PDE8A: variants seen among roughly 807,000 people sequenced by gnomAD.
PDE8A encodes high affinity cAMP-specific and IBMX-insensitive 3',5'-cyclic phosphodiesterase 8A.
Under a neutral mutation model 105.0 loss-of-function variants are expected in PDE8A, and 59 were observed. The observed-to-expected ratio is 0.56, with a 90% confidence interval of 0.46 to 0.70. The LOEUF is 0.70. Among genes scored for constraint, PDE8A ranks in the 30% least tolerant of loss-of-function variants. The pLI is 0.00. For synonymous variants in PDE8A, 355 were observed against 371.9 expected (o/e 0.95, Z 0.52); for missense variants, 1,014 against 1,045.9 (o/e 0.97, Z 0.42).
chr15:85,116,003 C>T lies in PDE8A; in HGVS notation c.1419C>T (p.Ser473=). 6.2e-7 allele frequency: 1 copy of T among 1,613,210 alleles called. No individual in the cohort carries two copies. The highest frequency in any genetic ancestry group is 8.5e-7 in the Non-Finnish European group (1 of 1,179,232). ...TTACAGACACTCAAATGGTTTCAAG[C>T]AATATAATCACTCCCATCTCCCTTG... ...LSTKNTQMVS[S]NIITPISLDD... is the part of the protein sequence containing the mutation. Residue 473 remains serine, a synonymous_variant, in exon 16 of 22, where the codon AGC becomes AGT. Transcript: ENST00000394553.
At chr15:85,064,562 C>G in intron 2 of PDE8A, 136 bp downstream of exon 2, 1 of 628,736 alleles carries the variant, frequency 1.6e-6, no homozygotes, top group South Asian at 2.0e-5. Context: ...TCCCTGAACT[C>G]TGTAACAGTA....
At chr15:84,994,806 T>C (rs1277148722) in intron 1 of PDE8A, among the ~76,000 whole-genome samples, 1 of 152,018 alleles carries the variant, frequency 6.6e-6, no homozygotes, top group Non-Finnish European at 1.5e-5. Flanking sequence ...CTACTAAAAA[T>C]ACAAAAAATT....
intron 1 of PDE8A, among the ~76,000 whole-genome samples, chr15:85,007,511 T>C (rs756286636): frequency 1.3e-5 from 2 of 151,692 alleles, no homozygotes; most frequent in Admixed American, 6.6e-5. Flanking sequence ...TTACGCTATA[T>C]GTACTTTCTG....
intron 8 of PDE8A, 59 bp from the exon 9 acceptor site, chr15:85,097,889 A>G (rs923580637): frequency 2.1e-6 from 2 of 958,932 alleles, no homozygotes; most frequent in Non-Finnish European, 3.3e-6. Flanking sequence ...GAAGTGGAAA[A>G]TGTTCTTGGG....
chr15:85,090,999 A>T (rs755494356), intron 7 of PDE8A, 45 bp from the exon 8 acceptor site: 1 of 1,551,668 alleles, frequency 6.4e-7, no homozygotes. Flanking sequence ...CTTTTTCAAA[A>T]TGACTTTTAA....
In PDE8A at chr15:85,122,258, G is replaced by T. The variant is rs142711015; in HGVS notation, c.1953-803G>T. ...TCTTAAGCTCTGTAAGGTCACAAGGGTCATATGTCACTGTGTCCTCAGTGC... is the reference window on the plus strand; with the variant it reads ...TCTTAAGCTCTGTAAGGTCACAAGGTTCATATGTCACTGTGTCCTCAGTGC... On this transcript the variant is annotated intron_variant, in intron 18 of 21. Coordinates refer to ENST00000394553, the MANE Select transcript of PDE8A (RefSeq NM_002605.3). Among the ~76,000 whole-genome samples the T allele has an allele frequency of 7.5e-3, 1,144 of 152,250 alleles. 11 individuals are homozygous for T. Among genetic ancestry groups the T allele is most frequent in the African/African-American group, 0.027 (1,102 of 41,528 alleles).
intron 8 of PDE8A, among the ~76,000 whole-genome samples, chr15:85,093,207 C>G (rs2081678107): frequency 1.3e-5 from 2 of 152,176 alleles, no homozygotes; most frequent in Admixed American, 1.3e-4. Flanking sequence ...CTGGCCTGTA[C>G]TGCTTTATTT....
At chr15:84,993,950 T>A (rs1183023818) in intron 1 of PDE8A, among the ~76,000 whole-genome samples, 1 of 152,206 alleles carries the variant, frequency 6.6e-6, no homozygotes, top group Non-Finnish European at 1.5e-5. Context: ...AGGAAACATT[T>A]AACTATTATT....
chr15:85,055,454 T>G (rs1039251121), intron 1 of PDE8A, among the ~76,000 whole-genome samples: 2 of 152,222 alleles, frequency 1.3e-5, no homozygotes, highest in African/African-American at 4.8e-5. Context: ...TAAGTCTCTT[T>G]GTAGGTCTCT....
chr15:85,085,474 C>T (rs895543091), intron 6 of PDE8A, among the ~76,000 whole-genome samples: 4 of 151,846 alleles, frequency 2.6e-5, no homozygotes, highest in African/African-American at 7.3e-5. Flanking sequence ...CTGAGGCGGG[C>T]GGATCACAAG....
At chr15:85,004,168 T>C (rs140882992) in intron 1 of PDE8A, among the ~76,000 whole-genome samples, 78 of 152,318 alleles carry the variant, frequency 5.1e-4, no homozygotes, top group African/African-American at 1.8e-3. Flanking sequence ...TGGTAACATT[T>C]GTTGCTTCCC....
At chr15:85,054,627 C>T (rs56275167) in intron 1 of PDE8A, among the ~76,000 whole-genome samples, 13,495 of 151,994 alleles carry the variant, frequency 0.089, 1,656 homozygotes, top group African/African-American at 0.28. Context: ...TATTCTCTGA[C>T]GGTAGTTTGT....
intron 1 of PDE8A, among the ~76,000 whole-genome samples, chr15:84,985,642 G>C (rs2079790392): frequency 6.6e-6 from 1 of 152,182 alleles, no homozygotes; most frequent in Non-Finnish European, 1.5e-5. Context: ...AATCAACTCT[G>C]TGAGATGGCA....
chr15:85,055,937 T>C (rs1314147950), intron 1 of PDE8A, among the ~76,000 whole-genome samples: 1 of 152,366 alleles, frequency 6.6e-6, no homozygotes, highest in East Asian at 1.9e-4. Flanking sequence ...GTTTTTGCAG[T>C]GGCTGGTACT....
At chr15:85,012,595 G>A (rs1035775130) in intron 1 of PDE8A, among the ~76,000 whole-genome samples, 2 of 151,456 alleles carry the variant, frequency 1.3e-5, no homozygotes, top group African/African-American at 4.9e-5. Flanking sequence ...TATACCTAAT[G>A]CTAAATGACG....
At chr15:85,076,213 C>G (rs1270237353) in intron 4 of PDE8A, among the ~76,000 whole-genome samples, 1 of 152,060 alleles carries the variant, frequency 6.6e-6, no homozygotes, top group Non-Finnish European at 1.5e-5. Context: ...TTCCTAGGGC[C>G]TTCTAACTCC....
rs561883334 is a variant in PDE8A, at chr15:85,034,452, A to C, written c.187-29918A>C. On this transcript the variant is annotated intron_variant, in intron 1 of 21. Transcript: ENST00000394553. ...GATTGATACAGTAGAACAGAATGTAAAGGTTATATGACCTGACGGTGTGTG... is the reference window on the plus strand; with the variant it reads ...GATTGATACAGTAGAACAGAATGTACAGGTTATATGACCTGACGGTGTGTG... Among the ~76,000 whole-genome samples, 5 of 152,272 alleles carry C rather than the reference A, an allele frequency of 3.3e-5. No homozygotes were observed. The South Asian group carries it at 1.0e-3, about 32-fold the overall frequency.
intron 1 of PDE8A, among the ~76,000 whole-genome samples, chr15:84,988,931 C>T (rs17610265): frequency 0.027 from 4,071 of 152,310 alleles, 87 homozygotes; most frequent in Non-Finnish European, 0.041. Context: ...GGCTTTTATT[C>T]ATGTTCCACG....
At chr15:85,039,981 A>G (rs1459602646) in intron 1 of PDE8A, among the ~76,000 whole-genome samples, 3 of 152,198 alleles carry the variant, frequency 2.0e-5, no homozygotes, top group African/African-American at 7.2e-5. Flanking sequence ...GTCAGAGGGC[A>G]CAAAGTTTCA....
Sources: gnomAD v4.1 joint callset for allele counts (sites outside exome capture counted in the v4.1 genomes callset) on GRCh38, gnomAD v4.1.1 for gene constraint, MANE v1.5 for transcripts, NCBI Gene and HGNC (gene_info 2026-07-23, HGNC 2026-07-21) for gene names.